The following TMEM126A variants were observed in gnomAD, a reference collection of about 807,000 sequenced individuals.
TMEM126A encodes the protein transmembrane protein 126A.
A neutral mutation model predicts 18.3 loss-of-function variants in TMEM126A; 10 were observed. The observed-to-expected ratio is 0.55, with a 90% CI of 0.34 to 0.93. TMEM126A has a LOEUF of 0.93. Ranked by LOEUF, TMEM126A falls within the 40% of genes least tolerant of loss-of-function variation. The probability of loss-of-function intolerance (pLI) is 0.02; values close to 1 mark genes in which losing one functional copy is unlikely to be tolerated. For missense variants in TMEM126A, 246 were observed against 230.2 expected, an observed-to-expected ratio of 1.07 and a Z score of -0.44; for synonymous variants, 68 against 78.1, an observed-to-expected ratio of 0.87 and a Z score of 0.68.
intron 2 of TMEM126A, among the ~76,000 whole-genome samples, chr11:85,652,732 T>A (rs1209308233): frequency 7.1e-6 from 1 of 140,490 alleles, no homozygotes. Context: ...ATTTCACTTG[T>A]ACTACTTTTT....
At chr11:85,654,416 T>C (rs1017133133) in intron 3 of TMEM126A, among the ~76,000 whole-genome samples, 160 bp downstream of exon 3, 10 of 152,210 alleles carry the variant, frequency 6.6e-5, no homozygotes, top group Non-Finnish European at 1.0e-4. Context: ...ATTAGTATGG[T>C]CTACCAACCA....
intron 1 of TMEM126A, 109 bp from the exon 2 acceptor site, chr11:85,650,140 T>C: frequency 1.5e-6 from 1 of 656,388 alleles, no homozygotes; most frequent in South Asian, 2.1e-5. Flanking sequence ...ATAATATGTA[T>C]GCAATGATTT....
At chr11:85,651,045 G>A (rs150014232) in intron 2 of TMEM126A, among the ~76,000 whole-genome samples, 282 of 139,786 alleles carry the variant, frequency 2.0e-3, no homozygotes, top group Middle Eastern at 3.9e-3. Flanking sequence ...CCCCAGCCTG[G>A]GCGACAAGAG....
At chr11:85,654,723 G>A (rs2082525161) in intron 3 of TMEM126A, among the ~76,000 whole-genome samples, 2 of 152,110 alleles carry the variant, frequency 1.3e-5, no homozygotes, top group African/African-American at 4.8e-5. Flanking sequence ...AAAGTGCTGG[G>A]ATTACAGGCG....
Position 85,654,263 on chromosome 11 carries a change from T to C in TMEM126A, c.280+7T>C, listed in dbSNP as rs769482743. On this transcript the variant is annotated splice_region_variant and intron_variant, in intron 3 of 4. Coordinates refer to ENST00000304511, the MANE Select transcript of TMEM126A (RefSeq NM_032273.4). ...AGTTTTCCTTTGAATACAGGTAAAT[T>C]CTACTTCACTATCACCAAAGAGTTT... The C allele has an allele frequency of 1.2e-6, 2 of 1,613,604 alleles. No homozygotes were observed. Among genetic ancestry groups the C allele is most frequent in the Non-Finnish European group, 1.7e-6 (2 of 1,179,710 alleles).
In TMEM126A at chr11:85,656,423, A is replaced by C. The variant is rs1479839689; in HGVS notation, c.510A>C (p.Ser170=). Residue 170 remains serine (S), a synonymous_variant, in exon 5 of 5, where the codon TCA becomes TCC. Transcript: ENST00000304511. ...LFPILLQTMF[S]AYLGSEQYKL... ...CTATTTTGCTCCAGACTATGTTTTCAGCATACCTTGGGTCTGAACAATATA... is the reference window on the plus strand; with the variant it reads ...CTATTTTGCTCCAGACTATGTTTTCCGCATACCTTGGGTCTGAACAATATA... The C allele has an allele frequency of 6.2e-7, 1 of 1,613,386 alleles. No individual in the cohort carries two copies. Among genetic ancestry groups the C allele is most frequent in the Non-Finnish European group, 8.5e-7 (1 of 1,179,628 alleles).
rs1217780956 is a variant in TMEM126A, at chr11:85,648,616, A to G, written c.-8+527A>G. Among the ~76,000 whole-genome samples the G allele has an allele frequency of 5.3e-5, 8 of 152,314 alleles. No homozygotes were observed. In the East Asian group the frequency reaches 1.4e-3, roughly 26 times the overall value. On this transcript the variant is annotated intron_variant, in intron 1 of 4. Coordinates refer to ENST00000304511, the MANE Select transcript of TMEM126A (RefSeq NM_032273.4). Reference sequence around the variant, plus strand: ...ATATATACATACTAAATTTGATTATATATTTCACCACCCCATACACAAAAT... The same window carrying G: ...ATATATACATACTAAATTTGATTATGTATTTCACCACCCCATACACAAAAT...
At chr11:85,649,155 G>A (rs1286890200) in intron 1 of TMEM126A, among the ~76,000 whole-genome samples, 13 of 152,080 alleles carry the variant, frequency 8.5e-5, no homozygotes, top group African/African-American at 2.7e-4. Flanking sequence ...GGCTGGTCTC[G>A]AACTCCTGAC....
At position 85,656,314 on chromosome 11, in the gene TMEM126A, A is replaced by G. The variant is rs773162969; in HGVS notation, c.401A>G (p.Gln134Arg). Residue 134 changes from glutamine (Q) to arginine (R), a missense_variant, in exon 5 of 5, where the codon CAA becomes CGA. Transcript: ENST00000304511. ...ATCTCAATGTTTTCTTACAGGTATC[A>G]ATCAGCTCTGTTACCACACAAAGGG... ...PVNGGLAARY[Q>R]SALLPHKGNI... The G allele has an allele frequency of 6.2e-7, 1 of 1,611,122 alleles. No individual in the cohort carries two copies.
intron 2 of TMEM126A, 55 bp from the exon 3 acceptor site, chr11:85,654,008 A>G (rs752128141): frequency 6.3e-7 from 1 of 1,591,984 alleles, no homozygotes; most frequent in Non-Finnish European, 8.6e-7. Context: ...CAAGATCGGG[A>G]AAGCTCACAC....
rs1375464905 is a variant in TMEM126A at position 85,655,624 on chromosome 11, C to T, written c.311C>T (p.Thr104Ile). 1.2e-6 allele frequency: 2 copies of T among 1,613,664 alleles called. No individual in the cohort carries two copies. The highest frequency in any genetic ancestry group is 1.7e-4 in the Middle Eastern group (1 of 6,058). Residue 104 changes from threonine (T) to isoleucine (I), a missense_variant, in exon 4 of 5, where the codon ACA (threonine) becomes ATA (isoleucine). Physicochemically the swap from Thr to Ile is moderately conservative, Grantham distance 89. Coordinates refer to ENST00000304511, the MANE Select transcript of TMEM126A (RefSeq NM_032273.4). ...GDLDCETCTITRSGLTGLVIG... is the reference protein window; with the variant it reads ...GDLDCETCTIIRSGLTGLVIG... Reference sequence around the variant, plus strand: ...TTGGATTGTGAAACCTGTACCATAACACGGAGTGGACTGACTGGTCTTGTT... The same window carrying T: ...TTGGATTGTGAAACCTGTACCATAATACGGAGTGGACTGACTGGTCTTGTT...
In TMEM126A at chr11:85,656,357, G is replaced by C; in HGVS notation, c.444G>C (p.Trp148Cys). The C allele has an allele frequency of 6.2e-7, 1 of 1,612,626 alleles. No individual in the cohort carries two copies. Among genetic ancestry groups the C allele is most frequent in the Non-Finnish European group, 8.5e-7 (1 of 1,179,584 alleles). ...ACAAAGGGAACATCTTAAGTTACTG[G>C]ATTAGAACTTCTAAGCCTGTCTTTA... ...LPHKGNILSY[W>C]IRTSKPVFRK... is the part of the protein sequence containing the mutation. Residue 148 changes from tryptophan to cysteine, a missense_variant, in exon 5 of 5, where the codon TGG (tryptophan) becomes TGC (cysteine). Coordinates refer to ENST00000304511, the MANE Select transcript of TMEM126A (RefSeq NM_032273.4).
At chr11:85,653,867 C>G (rs911413778) in intron 2 of TMEM126A, among the ~76,000 whole-genome samples, 196 bp from the exon 3 acceptor site, 3 of 152,100 alleles carry the variant, frequency 2.0e-5, no homozygotes, top group African/African-American at 7.2e-5. Context: ...TATGGGAGCT[C>G]AGGAGAGGCA....
chr11:85,653,182 A>C (rs553799754), intron 2 of TMEM126A, among the ~76,000 whole-genome samples: 1 of 152,336 alleles, frequency 6.6e-6, no homozygotes, highest in South Asian at 2.1e-4. Flanking sequence ...TTTAGCACTA[A>C]GTCTGCTGCA....
In TMEM126A at chr11:85,656,541, CA is replaced by C. The variant is rs1283721463; in HGVS notation, c.*41del. 1 of 1,507,812 alleles carries C rather than the reference CA, an allele frequency of 6.6e-7. No homozygotes were observed. The highest frequency in any genetic ancestry group is 9.2e-7 in the Non-Finnish European group (1 of 1,092,586). 93.4% of individuals were successfully genotyped at this position (1,507,812 alleles called of 1,614,324 possible). ...GTAAACAAAAATAAAATGGTAAAAA[CA>C]GTTTATGTCTAATGTTATGTCTAAT... On this transcript the variant is annotated 3_prime_UTR_variant, in exon 5 of 5. Coordinates refer to ENST00000304511, the MANE Select transcript of TMEM126A (RefSeq NM_032273.4).
intron 3 of TMEM126A, among the ~76,000 whole-genome samples, chr11:85,654,635 TAG>T (rs1042342760): frequency 4.3e-4 from 65 of 152,238 alleles, no homozygotes; most frequent in African/African-American, 1.6e-3. Flanking sequence ...GTATTTTTAG[TAG>T]AGACAGGGTT....
chr11:85,652,324 G>A (rs965889151), intron 2 of TMEM126A, among the ~76,000 whole-genome samples: 1 of 152,194 alleles, frequency 6.6e-6, no homozygotes, highest in African/African-American at 2.4e-5. Flanking sequence ...ACAGTGTCCT[G>A]TTATCTTTGC....
chr11:85,655,648 T>C lies in TMEM126A; in HGVS notation c.335T>C (p.Val112Ala). ...TITRSGLTGL[V>A]IGGLYPVFLA... Reference sequence around the variant, plus strand: ...ACACGGAGTGGACTGACTGGTCTTGTTATTGGTGGTCTATACCCTGTTTTC... The same window carrying C: ...ACACGGAGTGGACTGACTGGTCTTGCTATTGGTGGTCTATACCCTGTTTTC... Residue 112 changes from valine to alanine, a missense_variant, in exon 4 of 5, where the codon GTT becomes GCT. Coordinates refer to ENST00000304511, the MANE Select transcript of TMEM126A (RefSeq NM_032273.4). 6.2e-7 allele frequency: 1 copy of C among 1,613,744 alleles called. No homozygotes were observed. Among genetic ancestry groups the C allele is most frequent in the South Asian group, 1.1e-5 (1 of 91,064 alleles).
chr11:85,653,778 C>G (rs2082517623), intron 2 of TMEM126A, among the ~76,000 whole-genome samples: 2 of 152,004 alleles, frequency 1.3e-5, no homozygotes, highest in Admixed American at 1.3e-4. Context: ...AGTGTAGAAG[C>G]CTGACATGTA....
Sources: gnomAD v4.1 joint callset for allele counts (sites outside exome capture counted in the v4.1 genomes callset) on GRCh38, gnomAD v4.1.1 for gene constraint, MANE v1.5 for transcripts, NCBI Gene and HGNC (gene_info 2026-07-23, HGNC 2026-07-21) for gene names.